Variants in ADAM29 observed in about 807,000 individuals in gnomAD.
The protein encoded by ADAM29 is ADAM metallopeptidase domain 29, also known as disintegrin and metalloproteinase domain-containing protein 29.
For synonymous variants in ADAM29, 367 were observed against 342.3 expected (o/e 1.07, Z -0.80); for missense variants, 969 against 1,001.8 (o/e 0.97, Z 0.44).
intron 2 of ADAM29, among the ~76,000 whole-genome samples, chr4:174,926,494 A>T (rs146621152): frequency 1.3e-5 from 2 of 152,218 alleles, no homozygotes; most frequent in Non-Finnish European, 2.9e-5. Flanking sequence ...TTAAACTCAG[A>T]GTATTGACAC....
chr4:174,949,777 T>TA (rs1045050942), intron 4 of ADAM29, among the ~76,000 whole-genome samples: 2 of 152,082 alleles, frequency 1.3e-5, no homozygotes, highest in African/African-American at 4.8e-5. Context: ...GCACCTCCTG[T>TA]AAAAATGCAT....
At chr4:174,938,303 T>G (rs1218416680) in intron 4 of ADAM29, among the ~76,000 whole-genome samples, 2 of 152,060 alleles carry the variant, frequency 1.3e-5, no homozygotes, top group African/African-American at 4.8e-5. Flanking sequence ...GGAAGTTAAC[T>G]AAGGATGGAA....
intron 4 of ADAM29, among the ~76,000 whole-genome samples, chr4:174,953,097 T>A (rs1745279526): frequency 6.6e-6 from 1 of 152,094 alleles, no homozygotes; most frequent in African/African-American, 2.4e-5. Flanking sequence ...CCATCCTGGC[T>A]AACACGATGA....
chr4:174,952,955 T>G (rs1285018704), intron 4 of ADAM29, among the ~76,000 whole-genome samples: 1 of 152,198 alleles, frequency 6.6e-6, no homozygotes, highest in African/African-American at 2.4e-5. Context: ...AGTGCTAAAT[T>G]TGTAACAGTA....
intron 4 of ADAM29, among the ~76,000 whole-genome samples, chr4:174,941,536 A>G (rs899387390): frequency 1.3e-5 from 2 of 152,158 alleles, no homozygotes; most frequent in Non-Finnish European, 2.9e-5. Flanking sequence ...CTCACATGGC[A>G]GCAGGGAGCA....
At chr4:174,919,290 G>A (rs902856466) in intron 1 of ADAM29, among the ~76,000 whole-genome samples, 1 of 152,106 alleles carries the variant, frequency 6.6e-6, no homozygotes, top group Non-Finnish European at 1.5e-5. Context: ...AATTTTTCTA[G>A]TTAGTAACCA....
intron 2 of ADAM29, among the ~76,000 whole-genome samples, chr4:174,921,023 T>G (rs1011782755): frequency 6.6e-6 from 1 of 152,152 alleles, no homozygotes; most frequent in African/African-American, 2.4e-5. Context: ...ACTCAGAGAC[T>G]ACATCTTTGA....
At position 174,968,482 on chromosome 4, in the gene ADAM29, T is replaced by C. The variant is rs573763999; in HGVS notation, c.-180-6864T>C. Among the ~76,000 whole-genome samples the C allele has an allele frequency of 4.6e-5, 7 of 152,326 alleles. No homozygotes were observed. In the East Asian group the frequency reaches 1.4e-3, roughly 29 times the overall value. On this transcript the variant is annotated intron_variant, in intron 4 of 4. Transcript: ENST00000359240. ...CTGGATCTTGTGTACAGTGTCTCTC[T>C]CCACTTTTTGTACGTAAGCACTTTA...
At chr4:174,957,643 C>G (rs888609116) in intron 4 of ADAM29, among the ~76,000 whole-genome samples, 4 of 151,728 alleles carry the variant, frequency 2.6e-5, no homozygotes, top group African/African-American at 9.7e-5. Flanking sequence ...ACTGAAGATT[C>G]AAGCAGCCAA....
intron 4 of ADAM29, among the ~76,000 whole-genome samples, chr4:174,964,950 T>C (rs1265101028): frequency 6.6e-6 from 1 of 151,904 alleles, no homozygotes; most frequent in East Asian, 1.9e-4. Context: ...GAACAGGAGA[T>C]GGTGGTTTAT....
intron 4 of ADAM29, 27 bp downstream of exon 4, chr4:174,937,040 C>T (rs1744244376): frequency 6.6e-6 from 1 of 151,874 alleles, no homozygotes; most frequent in Admixed American, 6.6e-5. Context: ...TTTTTCACTT[C>T]TTAGTACAAG....
intron 4 of ADAM29, among the ~76,000 whole-genome samples, chr4:174,945,898 T>C (rs1744820952): frequency 6.6e-6 from 1 of 152,178 alleles, no homozygotes; most frequent in African/African-American, 2.4e-5. Flanking sequence ...ACTGTAGTCT[T>C]GTAGTATATT....
chr4:174,925,158 G>A (rs1743431181), intron 2 of ADAM29, among the ~76,000 whole-genome samples: 1 of 152,178 alleles, frequency 6.6e-6, no homozygotes, highest in African/African-American at 2.4e-5. Flanking sequence ...AAAAAGACAT[G>A]ACTAATTGTG....
chr4:174,925,354 G>T (rs1485472379), intron 2 of ADAM29, among the ~76,000 whole-genome samples: 2 of 147,072 alleles, frequency 1.4e-5, no homozygotes, highest in East Asian at 4.2e-4. Context: ...ATGAAACTCT[G>T]TGCTATCTTT....
chr4:174,972,014 G>A (rs56145627), intron 4 of ADAM29, among the ~76,000 whole-genome samples: 13,501 of 152,066 alleles, frequency 0.089, 776 homozygotes, highest in Middle Eastern at 0.13. Flanking sequence ...CAGTTATTGC[G>A]TTCCTCAGCT....
At position 174,976,780 on chromosome 4, in the gene ADAM29, T is replaced by G; in HGVS notation, c.1255T>G (p.Cys419Gly). 6.2e-7 allele frequency: 1 copy of G among 1,614,138 alleles called. No homozygotes were observed. The highest frequency in any genetic ancestry group is 8.5e-7 in the Non-Finnish European group (1 of 1,180,014). The change falls in exon 5 of 5, where the codon TGT becomes GGT. Residue 419 changes from cysteine to glycine, a missense_variant. Coordinates refer to ENST00000359240, the MANE Select transcript of ADAM29 (RefSeq NM_014269.4). ...EECDCGPLKH[C>G]AKDPCCLSNC... ...GTGTGACTGTGGACCTTTAAAGCAT[T>G]GTGCAAAAGATCCCTGCTGTCTGTC...
At chr4:174,922,644 G>C (rs1233446395) in intron 2 of ADAM29, among the ~76,000 whole-genome samples, 1 of 151,994 alleles carries the variant, frequency 6.6e-6, no homozygotes, top group African/African-American at 2.4e-5. Context: ...GACCCTCACG[G>C]CTGTGACAGT....
At chr4:174,935,491 A>G (rs10017934) in intron 3 of ADAM29, among the ~76,000 whole-genome samples, 135,212 of 152,094 alleles carry the variant, frequency 0.89, 60,389 homozygotes, top group East Asian at 0.96. Flanking sequence ...TACCCCATTC[A>G]TAGTGAACGT....
intron 4 of ADAM29, among the ~76,000 whole-genome samples, chr4:174,967,898 T>C (rs965143501): frequency 6.6e-6 from 1 of 152,234 alleles, no homozygotes; most frequent in Non-Finnish European, 1.5e-5. Context: ...CTACTTGGAA[T>C]GTCTTCGTTT....
Sources: gnomAD v4.1 joint callset for allele counts (sites outside exome capture counted in the v4.1 genomes callset) on GRCh38, gnomAD v4.1.1 for gene constraint, MANE v1.5 for transcripts, NCBI Gene and HGNC (gene_info 2026-07-23, HGNC 2026-07-21) for gene names.